The following SORCS2 variants were observed in gnomAD, a reference collection of about 807,000 sequenced individuals.
The protein encoded by SORCS2 is sortilin related VPS10 domain containing receptor 2.
Under a neutral mutation model 141.6 loss-of-function variants are expected in SORCS2, and 100 were observed. That is an observed-to-expected ratio of 0.71 (90% CI 0.60 to 0.83). The LOEUF is 0.83. Ranked by LOEUF, SORCS2 falls within the 40% of genes least tolerant of loss-of-function variation. The pLI is 0.00. For synonymous variants in SORCS2, 789 were observed against 676.9 expected, an observed-to-expected ratio of 1.17 and a Z score of -2.57; for missense variants, 1,646 against 1,560.2, an observed-to-expected ratio of 1.05 and a Z score of -0.93.
intron 10 of SORCS2, among the ~76,000 whole-genome samples, chr4:7,687,665 C>G (rs1723962323): frequency 6.6e-6 from 1 of 152,158 alleles, no homozygotes; most frequent in Non-Finnish European, 1.5e-5. Flanking sequence ...GCAATGGACA[C>G]AGGGCCACCT....
chr4:7,555,997 C>T (rs6843938), intron 3 of SORCS2, among the ~76,000 whole-genome samples: 148,338 of 152,350 alleles, frequency 0.97, 72,346 homozygotes, highest in East Asian at 1. Flanking sequence ...GAAACAGTGC[C>T]GATATTCAAC....
intron 26 of SORCS2, among the ~76,000 whole-genome samples, chr4:7,739,654 C>G (rs990460090): frequency 1.3e-5 from 2 of 152,132 alleles, no homozygotes; most frequent in African/African-American, 2.4e-5. Flanking sequence ...TGGGCTGTGC[C>G]GCGGGTGCTC....
intron 3 of SORCS2, among the ~76,000 whole-genome samples, chr4:7,632,228 G>A (rs1269833421): frequency 6.6e-6 from 1 of 152,090 alleles, no homozygotes. Flanking sequence ...CTGGCCATTA[G>A]TGAAATGAAT....
intron 3 of SORCS2, among the ~76,000 whole-genome samples, chr4:7,536,189 C>T (rs2109563112): frequency 6.6e-6 from 1 of 152,314 alleles, no homozygotes; most frequent in Non-Finnish European, 1.5e-5. Flanking sequence ...TGTTCCTTCT[C>T]TAGTGGTACA....
chr4:7,463,184 G>C (rs1729416000), intron 2 of SORCS2, among the ~76,000 whole-genome samples: 1 of 152,172 alleles, frequency 6.6e-6, no homozygotes, highest in South Asian at 2.1e-4. Context: ...TGACCACTCT[G>C]TTGAGAAGCC....
rs776624597 is a variant in SORCS2, at chr4:7,434,199, G to A, written c.548+37844G>A. ...CAGCAGGGACAAAAAACTGGAAGAGGTAGTTCTTGCAGAGGACGGCCAGGC... is the reference window on the plus strand; with the variant it reads ...CAGCAGGGACAAAAAACTGGAAGAGATAGTTCTTGCAGAGGACGGCCAGGC... On this transcript the variant is annotated intron_variant, in intron 2 of 26. Transcript: ENST00000507866. The A allele has an allele frequency of 4.1e-5, 66 of 1,613,864 alleles. No individual in the cohort carries two copies. In the Middle Eastern group the frequency reaches 8.2e-4, roughly 20 times the overall value.
At chr4:7,481,826 C>T (rs941591034) in intron 2 of SORCS2, among the ~76,000 whole-genome samples, 4 of 152,104 alleles carry the variant, frequency 2.6e-5, no homozygotes, top group East Asian at 1.9e-4. Context: ...CGAGAGAGAA[C>T]GCTGGCAACG....
intron 2 of SORCS2, among the ~76,000 whole-genome samples, chr4:7,528,618 G>A (rs1029192278): frequency 7.2e-5 from 11 of 152,002 alleles, no homozygotes; most frequent in Non-Finnish European, 1.5e-4. Flanking sequence ...TAGAGACGAG[G>A]TTTCACCATG....
chr4:7,728,330 C>G lies in SORCS2; in HGVS notation c.2870-20C>G. On this transcript the variant is annotated intron_variant, in intron 21 of 26. Coordinates refer to ENST00000507866, the MANE Select transcript of SORCS2 (RefSeq NM_020777.3). ...AGGCTGTCCAGAACTGACCAGTCTCCCTTCTCTGCGTCTTTCCAGATCAAT... is the reference window on the plus strand; with the variant it reads ...AGGCTGTCCAGAACTGACCAGTCTCGCTTCTCTGCGTCTTTCCAGATCAAT... 1 of 1,591,082 alleles carries G rather than the reference C, an allele frequency of 6.3e-7. No homozygotes were observed. Among genetic ancestry groups the G allele is most frequent in the Non-Finnish European group, 8.6e-7 (1 of 1,161,554 alleles).
intron 1 of SORCS2, among the ~76,000 whole-genome samples, chr4:7,287,395 A>G (rs932188806): frequency 6.6e-6 from 1 of 152,220 alleles, no homozygotes; most frequent in African/African-American, 2.4e-5. Flanking sequence ...TTTTCCAGAA[A>G]GGTTCGAGCC....
intron 1 of SORCS2, among the ~76,000 whole-genome samples, chr4:7,392,028 A>C (rs986222759): frequency 6.6e-6 from 1 of 152,156 alleles, no homozygotes; most frequent in Non-Finnish European, 1.5e-5. Context: ...TGAAAACACA[A>C]AGCCCTCGTT....
At chr4:7,262,755 G>A (rs1435535920) in intron 1 of SORCS2, among the ~76,000 whole-genome samples, 1 of 152,214 alleles carries the variant, frequency 6.6e-6, no homozygotes, top group Non-Finnish European at 1.5e-5. Context: ...CCTCCACACA[G>A]CCCTCAGCAG....
intron 1 of SORCS2, among the ~76,000 whole-genome samples, chr4:7,293,178 C>T (rs1452224862): frequency 6.6e-6 from 1 of 152,082 alleles, no homozygotes; most frequent in East Asian, 1.9e-4. Flanking sequence ...GTGGCGGGCA[C>T]CTGTAGTCCC....
chr4:7,245,380 G>A (rs971648902), intron 1 of SORCS2, among the ~76,000 whole-genome samples: 6 of 152,226 alleles, frequency 3.9e-5, no homozygotes, highest in African/African-American at 7.2e-5. Context: ...TTGCTCCTCC[G>A]GGATGCCCGT....
chr4:7,671,589 C>T (rs570450748), intron 8 of SORCS2, among the ~76,000 whole-genome samples: 10 of 152,122 alleles, frequency 6.6e-5, no homozygotes, highest in Admixed American at 2.0e-4. Flanking sequence ...TAGAGGGATT[C>T]GAAAGCAGAA....
chr4:7,542,054 C>T (rs1487101352), intron 3 of SORCS2, among the ~76,000 whole-genome samples: 1 of 152,188 alleles, frequency 6.6e-6, no homozygotes, highest in Admixed American at 6.5e-5. Context: ...AATTGCCCAG[C>T]AGAGCTCCAA....
chr4:7,382,811 G>C (rs1723068993), intron 1 of SORCS2, among the ~76,000 whole-genome samples: 1 of 152,124 alleles, frequency 6.6e-6, no homozygotes, highest in Admixed American at 6.5e-5. Context: ...GGGGACGGTG[G>C]GTGTAAACAG....
intron 1 of SORCS2, among the ~76,000 whole-genome samples, chr4:7,228,587 T>G (rs1279490356): frequency 6.6e-6 from 1 of 152,226 alleles, no homozygotes; most frequent in African/African-American, 2.4e-5. Flanking sequence ...GGACATGGAC[T>G]TGGCCTGGCC....
intron 1 of SORCS2, among the ~76,000 whole-genome samples, chr4:7,354,407 C>T (rs1489861783): frequency 3.3e-5 from 5 of 152,034 alleles, no homozygotes; most frequent in Admixed American, 1.3e-4. Context: ...AGAAAGACCC[C>T]CCACCACCAA....
Sources: allele counts gnomAD v4.1 joint callset (sites outside exome capture counted in the v4.1 genomes callset), GRCh38; gene constraint gnomAD v4.1.1; transcripts MANE v1.5; gene names NCBI Gene and HGNC (gene_info 2026-07-23, HGNC 2026-07-21).